SLC22A3: variants seen among roughly 807,000 people sequenced by gnomAD.
SLC22A3 encodes the protein solute carrier family 22 member 3, also known as EMT organic cation transporter 3.
SLC22A3 carries 51 observed loss-of-function variants against 59.1 expected under a neutral mutation model. The observed-to-expected ratio is 0.86, with a 90% confidence interval of 0.69 to 1.09. The LOEUF is 1.09. Among genes scored for constraint, SLC22A3 ranks in the 50% least tolerant of loss-of-function variants. SLC22A3 has a pLI of 0.00. For missense variants in SLC22A3, 711 were observed against 726.3 expected (o/e 0.98, Z 0.24); for synonymous variants, 325 against 292.0 (o/e 1.11, Z -1.15).
intron 2 of SLC22A3, 87 bp downstream of exon 2, chr6:160,398,169 A>G: frequency 9.8e-7 from 1 of 1,020,414 alleles, no homozygotes; most frequent in Non-Finnish European, 1.5e-6. Flanking sequence ...AACTATTAAA[A>G]CAATATTTTT....
intron 1 of SLC22A3, among the ~76,000 whole-genome samples, chr6:160,377,003 C>G (rs1785619606): frequency 6.6e-6 from 1 of 152,168 alleles, no homozygotes. Flanking sequence ...GGCCTGTTCT[C>G]TCACTCCATC....
chr6:160,389,182 C>A (rs1786146124), intron 1 of SLC22A3, among the ~76,000 whole-genome samples: 1 of 152,148 alleles, frequency 6.6e-6, no homozygotes, highest in Non-Finnish European at 1.5e-5. Context: ...GATCATCTCA[C>A]TTGATTAAAA....
intron 1 of SLC22A3, among the ~76,000 whole-genome samples, chr6:160,388,474 T>C (rs1222972613): frequency 6.6e-6 from 1 of 152,224 alleles, no homozygotes; most frequent in South Asian, 2.1e-4. Context: ...TCCCAGATGA[T>C]GCTGTTGCTG....
intron 1 of SLC22A3, among the ~76,000 whole-genome samples, chr6:160,379,536 A>G (rs1018667331): frequency 6.6e-6 from 1 of 151,508 alleles, no homozygotes; most frequent in Non-Finnish European, 1.5e-5. Flanking sequence ...CATAAAAGTC[A>G]GTGAAAATCT....
intron 3 of SLC22A3, among the ~76,000 whole-genome samples, chr6:160,408,409 TAATTAC>T (rs1177939260): frequency 6.6e-6 from 1 of 152,234 alleles, no homozygotes; most frequent in African/African-American, 2.4e-5. Flanking sequence ...TATGTTTTGA[TAATTAC>T]AATTACCTTT....
chr6:160,410,202 A>C (rs1211486190), intron 4 of SLC22A3, among the ~76,000 whole-genome samples: 2 of 152,194 alleles, frequency 1.3e-5, no homozygotes, highest in African/African-American at 4.8e-5. Flanking sequence ...TTTTTAATAG[A>C]GACAGAGTCT....
intron 7 of SLC22A3, among the ~76,000 whole-genome samples, chr6:160,441,488 T>G (rs1788537721): frequency 6.6e-6 from 1 of 152,154 alleles, no homozygotes; most frequent in Non-Finnish European, 1.5e-5. Flanking sequence ...CAGGATGTCC[T>G]TGGCCAGTTT....
At position 160,407,167 on chromosome 6, in the gene SLC22A3, G is replaced by A. The variant is rs2114852231; in HGVS notation, c.660G>A (p.Lys220=). 1 of 1,611,672 alleles carries A rather than the reference G, an allele frequency of 6.2e-7. No homozygotes were observed. The highest frequency in any genetic ancestry group is 1.1e-5 in the South Asian group (1 of 90,570). ...IFRFLQGVFG[K]GTWMTCYVIV... Reference sequence around the variant, plus strand: ...GCTTCCTGCAAGGTGTATTTGGAAAGGGGACGTGGATGACTTGCTACGTGA... The same window carrying A: ...GCTTCCTGCAAGGTGTATTTGGAAAAGGGACGTGGATGACTTGCTACGTGA... The change falls in exon 3 of 11, where the codon AAG becomes AAA. Residue 220 remains lysine, a synonymous_variant. Coordinates refer to ENST00000275300, the MANE Select transcript of SLC22A3 (RefSeq NM_021977.4).
At chr6:160,368,434 T>C (rs1253795415) in intron 1 of SLC22A3, among the ~76,000 whole-genome samples, 1 of 152,194 alleles carries the variant, frequency 6.6e-6, no homozygotes, top group Non-Finnish European at 1.5e-5. Flanking sequence ...TCTCCTTCAC[T>C]GGTGTTCTTT....
rs144006804 is a variant in SLC22A3 at position 160,400,390 on chromosome 6, G to T, written c.533+2308G>T. Among the ~76,000 whole-genome samples, 246 of 151,986 alleles carry T rather than the reference G, an allele frequency of 1.6e-3. 2 individuals carry two copies. In the Middle Eastern group the frequency reaches 0.02, roughly 13 times the overall value. On this transcript the variant is annotated intron_variant, in intron 2 of 10. Coordinates refer to ENST00000275300, the MANE Select transcript of SLC22A3 (RefSeq NM_021977.4). ...TCTAGCCTCCTCTAGCTTTCAACTT[G>T]GAAGAAGGGAAATACCCAGCTCCAG...
At position 160,348,382 on chromosome 6, in the gene SLC22A3, C is replaced by G. The variant is rs764353141; in HGVS notation, c.-38C>G. The G allele has an allele frequency of 2.8e-6, 4 of 1,422,372 alleles. No individual in the cohort carries two copies. The highest frequency in any genetic ancestry group is 2.8e-5 in the Admixed American group (1 of 35,402). 88.1% of individuals were successfully genotyped at this position (1,422,372 alleles called of 1,614,324 possible). On this transcript the variant is annotated 5_prime_UTR_variant, in exon 1 of 11. Coordinates refer to ENST00000275300, the MANE Select transcript of SLC22A3 (RefSeq NM_021977.4). Reference sequence around the variant, plus strand: ...CGCCGGCTGGGTCCGCGGGTCACTCCGAGGCGCGGGCTGCGGGCGGCGGGC... The same window carrying G: ...CGCCGGCTGGGTCCGCGGGTCACTCGGAGGCGCGGGCTGCGGGCGGCGGGC...
intron 9 of SLC22A3, 87 bp downstream of exon 9, chr6:160,443,829 GATA>G: frequency 1.7e-6 from 1 of 594,576 alleles, no homozygotes; most frequent in Non-Finnish European, 2.8e-6. Flanking sequence ...GTTCAATAAT[GATA>G]ATGATAGTCA....
At chr6:160,408,708 G>T in intron 3 of SLC22A3, 45 bp from the exon 4 acceptor site, 1 of 1,593,680 alleles carries the variant, frequency 6.3e-7, no homozygotes, top group Non-Finnish European at 8.6e-7. Context: ...TTATTTTGGA[G>T]CTGACCTTGT....
chr6:160,372,390 T>C (rs1197375283), intron 1 of SLC22A3, among the ~76,000 whole-genome samples: 1 of 152,210 alleles, frequency 6.6e-6, no homozygotes, highest in Non-Finnish European at 1.5e-5. Context: ...GGACTTCCCT[T>C]TGTGGGTAAC....
At chr6:160,413,391 A>T (rs565797075) in intron 5 of SLC22A3, among the ~76,000 whole-genome samples, 50 of 152,340 alleles carry the variant, frequency 3.3e-4, no homozygotes, top group African/African-American at 1.2e-3. Flanking sequence ...GGAAATTTCC[A>T]AACATACTCA....
At chr6:160,420,864 G>A (rs1040892055) in intron 5 of SLC22A3, among the ~76,000 whole-genome samples, 3 of 152,212 alleles carry the variant, frequency 2.0e-5, no homozygotes, top group African/African-American at 7.2e-5. Context: ...CTGGAGGATG[G>A]GTCTGGGATC....
intron 1 of SLC22A3, among the ~76,000 whole-genome samples, chr6:160,392,657 A>T (rs998297593): frequency 2.0e-5 from 3 of 152,232 alleles, no homozygotes; most frequent in Non-Finnish European, 2.9e-5. Context: ...GTGCCATCAG[A>T]TCATGTTAAA....
At chr6:160,413,339 C>T in intron 5 of SLC22A3, among the ~76,000 whole-genome samples, 1 of 152,220 alleles carries the variant, frequency 6.6e-6, no homozygotes, top group East Asian at 1.9e-4. Context: ...AGATCATGAA[C>T]TATGGGATCC....
intron 1 of SLC22A3, among the ~76,000 whole-genome samples, chr6:160,366,112 A>G (rs537184671): frequency 6.6e-6 from 1 of 152,232 alleles, no homozygotes; most frequent in Admixed American, 6.5e-5. Flanking sequence ...GTCCCCTCCC[A>G]AATCTCATGT....
Sources: allele counts gnomAD v4.1 joint callset (sites outside exome capture counted in the v4.1 genomes callset), GRCh38; gene constraint gnomAD v4.1.1; transcripts MANE v1.5; gene names NCBI Gene and HGNC (gene_info 2026-07-23, HGNC 2026-07-21).